Variants in GLYAT observed in about 807,000 individuals in gnomAD.
GLYAT encodes the protein glycine-N-acyltransferase.
GLYAT carries 25 observed loss-of-function variants against 22.8 expected under a neutral mutation model. That is an observed-to-expected ratio of 1.09 (90% CI 0.80 to 1.53). GLYAT has a LOEUF of 1.53. GLYAT is among the 40% of genes most tolerant of loss of function. The probability of loss-of-function intolerance (pLI) is 0.00; values close to 1 mark genes in which losing one functional copy is unlikely to be tolerated. For synonymous variants in GLYAT, 140 were observed against 122.7 expected (o/e 1.14, Z -0.93); for missense variants, 411 against 353.9 (o/e 1.16, Z -1.29).
At chr11:58,720,098 C>CT (rs1193289437) in intron 2 of GLYAT, among the ~76,000 whole-genome samples, 2 of 151,772 alleles carry the variant, frequency 1.3e-5, no homozygotes, top group African/African-American at 4.8e-5. Context: ...TTTTTCATAT[C>CT]TTTTTTTAGT....
chr11:58,713,281 A>G (rs1856639570), intron 3 of GLYAT, among the ~76,000 whole-genome samples: 1 of 152,168 alleles, frequency 6.6e-6, no homozygotes, highest in Non-Finnish European at 1.5e-5. Context: ...TTAAATAATG[A>G]GATAAAGATC....
Position 58,718,622 on chromosome 11 carries a change from G to T in GLYAT, c.82-3199C>A, listed in dbSNP as rs559257365. Among the ~76,000 whole-genome samples the T allele has an allele frequency of 6.6e-5, 10 of 150,882 alleles. No homozygotes were observed. In the South Asian group the frequency reaches 1.5e-3, roughly 22 times the overall value. ...CACAAGGCAACAATTTTCCATGGATGAAAAAAAGGTTTAAGGCAGCCATAG... is the reference window on the plus strand; with the variant it reads ...CACAAGGCAACAATTTTCCATGGATTAAAAAAAGGTTTAAGGCAGCCATAG... On this transcript the variant is annotated intron_variant, in intron 2 of 5. Coordinates refer to ENST00000344743, the MANE Select transcript of GLYAT (RefSeq NM_201648.3).
intron 2 of GLYAT, 130 bp downstream of exon 2, chr11:58,724,286 C>T: frequency 1.8e-6 from 1 of 547,530 alleles, no homozygotes; most frequent in Non-Finnish European, 3.3e-6. Context: ...AGAGGTAAGG[C>T]ATACTAAATG....
At chr11:58,729,863 G>A (rs979509101) in intron 1 of GLYAT, among the ~76,000 whole-genome samples, 1 of 152,174 alleles carries the variant, frequency 6.6e-6, no homozygotes, top group Non-Finnish European at 1.5e-5. Context: ...TCAGAAGGAA[G>A]TAACAAAGTA....
At chr11:58,713,428 A>G (rs1856641134) in intron 3 of GLYAT, among the ~76,000 whole-genome samples, 1 of 152,156 alleles carries the variant, frequency 6.6e-6, no homozygotes, top group Admixed American at 6.6e-5. Flanking sequence ...GGAAGAAGAG[A>G]AAGGCAATTG....
chr11:58,730,915 T>G (rs929487589), intron 1 of GLYAT, among the ~76,000 whole-genome samples: 11 of 152,168 alleles, frequency 7.2e-5, no homozygotes, highest in Admixed American at 7.2e-4. Flanking sequence ...ATTAACATAA[T>G]GCCTACAGAC....
At position 58,709,707 on chromosome 11, in the gene GLYAT, C is replaced by A; in HGVS notation, c.*59G>T. 6.6e-7 allele frequency: 1 copy of A among 1,514,728 alleles called. No individual in the cohort carries two copies. Among genetic ancestry groups the A allele is most frequent in the Non-Finnish European group, 8.9e-7 (1 of 1,122,372 alleles). 93.8% of individuals were successfully genotyped at this position (1,514,728 alleles called of 1,614,324 possible). On this transcript the variant is annotated 3_prime_UTR_variant, in exon 6 of 6. Coordinates refer to ENST00000344743, the MANE Select transcript of GLYAT (RefSeq NM_201648.3). Reference sequence around the variant, plus strand: ...TTTATTATTTCTTTTCATCCACCATCCACTCCTCAAATTATACGCCCAGAC... The same window carrying A: ...TTTATTATTTCTTTTCATCCACCATACACTCCTCAAATTATACGCCCAGAC...
At chr11:58,724,848 A>G (rs1379434697) in intron 1 of GLYAT, among the ~76,000 whole-genome samples, 2 of 152,050 alleles carry the variant, frequency 1.3e-5, no homozygotes, top group Non-Finnish European at 2.9e-5. Flanking sequence ...TAACCTTGGG[A>G]AAGTTATTTA....
chr11:58,728,889 A>AGAAAGAAAGAAAGAAAGAAGGAAG (rs1310407303), intron 1 of GLYAT, among the ~76,000 whole-genome samples: 4 of 101,294 alleles, frequency 3.9e-5, no homozygotes, highest in African/African-American at 1.2e-4. Flanking sequence ...AAAGAAAGAA[A>AGAAAGAAAGAAAGAAAGAAGGAAG]GAAGGAAGGA....
chr11:58,728,020 T>G (rs980409738), intron 1 of GLYAT, among the ~76,000 whole-genome samples: 6 of 147,868 alleles, frequency 4.1e-5, no homozygotes, highest in African/African-American at 1.5e-4. Flanking sequence ...AGTTTCCAAG[T>G]GCACTTTAGT....
intron 1 of GLYAT, among the ~76,000 whole-genome samples, chr11:58,724,851 G>T (rs1856796105): frequency 1.3e-5 from 2 of 152,098 alleles, no homozygotes; most frequent in Admixed American, 6.6e-5. Context: ...CCTTGGGAAA[G>T]TTATTTAGTC....
At chr11:58,714,592 A>C (rs568166926) in intron 3 of GLYAT, among the ~76,000 whole-genome samples, 1 of 152,216 alleles carries the variant, frequency 6.6e-6, no homozygotes, top group Admixed American at 6.5e-5. Context: ...AATGAGAGGG[A>C]CCAGATGGAG....
At chr11:58,712,002 AAC>A (rs777962271) in intron 4 of GLYAT, among the ~76,000 whole-genome samples, 3 of 152,204 alleles carry the variant, frequency 2.0e-5, no homozygotes, top group African/African-American at 4.8e-5. Context: ...CTAACAGCAG[AAC>A]TCTCATTCAG....
At chr11:58,725,637 C>T (rs895307572) in intron 1 of GLYAT, among the ~76,000 whole-genome samples, 1 of 152,046 alleles carries the variant, frequency 6.6e-6, no homozygotes, top group Admixed American at 6.6e-5. Context: ...AAGGAGAGAC[C>T]AAGGCAAGTT....
chr11:58,729,982 G>T (rs758684628), intron 1 of GLYAT, among the ~76,000 whole-genome samples: 3 of 152,096 alleles, frequency 2.0e-5, no homozygotes, highest in Non-Finnish European at 2.9e-5. Context: ...AACTAACAAA[G>T]AGGTATGGCT....
chr11:58,714,686 T>C (rs1856657898), intron 3 of GLYAT, among the ~76,000 whole-genome samples: 2 of 152,108 alleles, frequency 1.3e-5, no homozygotes, highest in Non-Finnish European at 2.9e-5. Flanking sequence ...TATAAGGGGC[T>C]TCCCCATTTG....
intron 4 of GLYAT, among the ~76,000 whole-genome samples, chr11:58,712,551 A>G (rs1393034461): frequency 6.6e-6 from 1 of 152,202 alleles, no homozygotes; most frequent in East Asian, 1.9e-4. Flanking sequence ...CCAAGGAATT[A>G]TACTATAGTT....
intron 3 of GLYAT, 27 bp downstream of exon 3, chr11:58,715,289 G>A: frequency 1.0e-6 from 1 of 954,898 alleles, no homozygotes; most frequent in Non-Finnish European, 1.7e-6. Flanking sequence ...TATAAATATA[G>A]AAGAATATTC....
rs371167351 is a variant in GLYAT at position 58,709,725 on chromosome 11, G to T, written c.*41C>A. On this transcript the variant is annotated 3_prime_UTR_variant, in exon 6 of 6. Transcript: ENST00000344743. ...CCACCATCCACTCCTCAAATTATAC[G>T]CCCAGACCTGCCCAACACTGTCTTA... 2.6e-6 allele frequency: 4 copies of T among 1,557,554 alleles called. No homozygotes were observed. Among genetic ancestry groups the T allele is most frequent in the Non-Finnish European group, 1.7e-6 (2 of 1,149,918 alleles).
Sources: gnomAD v4.1 joint callset for allele counts (sites outside exome capture counted in the v4.1 genomes callset) on GRCh38, gnomAD v4.1.1 for gene constraint, MANE v1.5 for transcripts, NCBI Gene and HGNC (gene_info 2026-07-23, HGNC 2026-07-21) for gene names.